GAB2: variants seen among roughly 807,000 people sequenced by gnomAD.
GAB2 encodes the protein GRB2-associated-binding protein 2.
In GAB2, 26 loss-of-function variants were observed where a neutral mutation model predicts 65.5. The observed-to-expected ratio is 0.40, with a 90% CI of 0.29 to 0.55. The LOEUF (loss-of-function observed/expected upper bound fraction) is 0.55. GAB2 is among the 20% of genes least tolerant of loss of function. The pLI, the probability that GAB2 is intolerant of heterozygous loss-of-function variation, is 0.53. For synonymous variants in GAB2, 321 were observed against 329.6 expected (o/e 0.97, Z 0.28); for missense variants, 884 against 875.8 (o/e 1.01, Z -0.12).
intron 1 of GAB2, among the ~76,000 whole-genome samples, chr11:78,322,934 G>C (rs950813807): frequency 7.2e-5 from 11 of 152,062 alleles, no homozygotes; most frequent in Non-Finnish European, 1.2e-4. Flanking sequence ...ACTAAAAATA[G>C]AACTACCATT....
intron 1 of GAB2, among the ~76,000 whole-genome samples, chr11:78,367,701 G>C (rs189546097): frequency 2.0e-5 from 3 of 152,236 alleles, no homozygotes; most frequent in East Asian, 3.9e-4. Context: ...TATAAACCAA[G>C]TGCTACTGGG....
intron 1 of GAB2, among the ~76,000 whole-genome samples, chr11:78,285,638 T>C (rs1173560008): frequency 3.3e-5 from 5 of 152,238 alleles, no homozygotes; most frequent in African/African-American, 4.8e-5. Context: ...CAGCTAATTT[T>C]GTATTTTTAG....
intron 1 of GAB2, among the ~76,000 whole-genome samples, chr11:78,293,069 A>T (rs1866722837): frequency 1.3e-5 from 2 of 152,212 alleles, no homozygotes; most frequent in Admixed American, 6.5e-5. Context: ...ATTCAAGTTT[A>T]TAGTTAATTG....
rs1218675172 is a variant in GAB2, at chr11:78,216,854, G to A, written c.*2418C>T. ...GGGGCCTTTAAGGCACACATTCAGG[G>A]CTGGGCAGAGTGAACCAGCACCCTG... On this transcript the variant is annotated 3_prime_UTR_variant, in exon 10 of 10. Transcript: ENST00000361507. 6.6e-6 allele frequency: 1 copy of A among 152,200 alleles called. No individual in the cohort carries two copies. The highest frequency in any genetic ancestry group is 1.5e-5 in the Non-Finnish European group (1 of 68,062). The allele number at this position is 152,200 out of a possible 1,614,324, so 9.4% of individuals were successfully genotyped here.
intron 1 of GAB2, among the ~76,000 whole-genome samples, chr11:78,409,606 T>A (rs920879077): frequency 6.6e-6 from 1 of 151,556 alleles, no homozygotes; most frequent in Non-Finnish European, 1.5e-5. Flanking sequence ...ATAAAAAAAA[T>A]AAAATATGTG....
chr11:78,225,635 G>A (rs1390887416), intron 4 of GAB2, among the ~76,000 whole-genome samples: 1 of 152,210 alleles, frequency 6.6e-6, no homozygotes, highest in South Asian at 2.1e-4. Flanking sequence ...GTTCCAAAAC[G>A]GAGTATGACT....
intron 1 of GAB2, among the ~76,000 whole-genome samples, chr11:78,404,477 G>A (rs1203266634): frequency 6.6e-6 from 1 of 152,232 alleles, no homozygotes; most frequent in South Asian, 2.1e-4. Flanking sequence ...AGCCTAGGAG[G>A]TTGAGGCTGC....
chr11:78,233,054 T>G (rs1405460514), intron 3 of GAB2, among the ~76,000 whole-genome samples: 1 of 151,354 alleles, frequency 6.6e-6, no homozygotes. Context: ...TTTTTTTTTT[T>G]TTGGTGACAA....
At chr11:78,307,328 A>T (rs1228490775) in intron 1 of GAB2, among the ~76,000 whole-genome samples, 3 of 152,196 alleles carry the variant, frequency 2.0e-5, no homozygotes, top group African/African-American at 7.2e-5. Context: ...AGTTAAAAAA[A>T]AATTTAAGGT....
intron 1 of GAB2, among the ~76,000 whole-genome samples, chr11:78,332,250 C>G (rs934006203): frequency 6.6e-6 from 1 of 152,148 alleles, no homozygotes; most frequent in Non-Finnish European, 1.5e-5. Context: ...ACTAAAAATA[C>G]ACAGGCTATT....
chr11:78,259,620 C>G (rs1041747202), intron 2 of GAB2, among the ~76,000 whole-genome samples: 5 of 152,134 alleles, frequency 3.3e-5, no homozygotes, highest in East Asian at 1.9e-4. Context: ...AGAGGAAATT[C>G]ATAAATTCAA....
chr11:78,417,383 A>T (rs931856941), intron 1 of GAB2, among the ~76,000 whole-genome samples: 67 of 151,986 alleles, frequency 4.4e-4, no homozygotes, highest in Admixed American at 9.2e-4. Flanking sequence ...GTTCACGAGC[A>T]GACCGGCTTG....
chr11:78,359,921 A>C (rs1441885076), intron 1 of GAB2, among the ~76,000 whole-genome samples: 1 of 152,238 alleles, frequency 6.6e-6, no homozygotes, highest in Non-Finnish European at 1.5e-5. Context: ...TCAGACCCTT[A>C]GGCCATATAA....
At chr11:78,319,234 A>G (rs1855676415) in intron 1 of GAB2, among the ~76,000 whole-genome samples, 1 of 152,114 alleles carries the variant, frequency 6.6e-6, no homozygotes, top group East Asian at 1.9e-4. Context: ...CAGCTAAAAG[A>G]TTTTCATGAC....
chr11:78,294,719 A>T (rs1317807954), intron 1 of GAB2, among the ~76,000 whole-genome samples: 1 of 152,154 alleles, frequency 6.6e-6, no homozygotes, highest in African/African-American at 2.4e-5. Context: ...CCTTCCTTAC[A>T]CCTTATACAA....
In GAB2 at chr11:78,269,172, G is replaced by A. The variant is rs1460908671; in HGVS notation, c.376+11429C>T. ...CCTCCGCCTCTGGGCTGGAGCCTGGGTCAGTCTCCACTCTGTTCTTTCTTC... is the reference window on the plus strand; with the variant it reads ...CCTCCGCCTCTGGGCTGGAGCCTGGATCAGTCTCCACTCTGTTCTTTCTTC... On this transcript the variant is annotated intron_variant, in intron 2 of 9. Transcript: ENST00000361507. Among the ~76,000 whole-genome samples, 3 of 152,134 alleles carry A rather than the reference G, an allele frequency of 2.0e-5. No homozygotes were observed. The East Asian group carries it at 5.8e-4, about 29-fold the overall frequency.
At chr11:78,408,347 G>T (rs1333537822) in intron 1 of GAB2, among the ~76,000 whole-genome samples, 1 of 152,126 alleles carries the variant, frequency 6.6e-6, no homozygotes, top group East Asian at 1.9e-4. Flanking sequence ...ACTGACTGTT[G>T]TATGTACAGT....
intron 1 of GAB2, among the ~76,000 whole-genome samples, chr11:78,293,447 GA>G (rs1057291215): frequency 5.3e-5 from 8 of 152,108 alleles, no homozygotes; most frequent in African/African-American, 1.9e-4. Context: ...TGTTTTGGGG[GA>G]AAAAAACCTC....
intron 2 of GAB2, among the ~76,000 whole-genome samples, chr11:78,265,868 A>G (rs946563285): frequency 2.0e-5 from 3 of 152,176 alleles, no homozygotes; most frequent in Non-Finnish European, 4.4e-5. Flanking sequence ...ATAAGTCAGA[A>G]TTTTTAAAAA....
Sources: gnomAD v4.1 joint callset for allele counts (sites outside exome capture counted in the v4.1 genomes callset) on GRCh38, gnomAD v4.1.1 for gene constraint, MANE v1.5 for transcripts, NCBI Gene and HGNC (gene_info 2026-07-23, HGNC 2026-07-21) for gene names.